Variants in ZNF423 observed in about 807,000 individuals in gnomAD.
The protein encoded by ZNF423 is zinc finger protein 423, also known as Ebf-associated zinc finger protein.
ZNF423 carries 12 observed loss-of-function variants against 95.8 expected under a neutral mutation model. The ratio of observed to expected loss-of-function variants is 0.13; its 90% CI spans 0.08 to 0.20. The LOEUF (loss-of-function observed/expected upper bound fraction) is 0.20. Among genes scored for constraint, ZNF423 ranks in the 10% least tolerant of loss-of-function variants. The pLI is 1.00. For missense variants in ZNF423, 1,316 were observed against 1,737.1 expected, an observed-to-expected ratio of 0.76 and a Z score of 4.31; for synonymous variants, 749 against 711.9, an observed-to-expected ratio of 1.05 and a Z score of -0.83.
At position 49,649,638 on chromosome 16, in the gene ZNF423, T is replaced by TACACACAC. The variant is rs58838858; in HGVS notation, c.302-10772_302-10765dup. On this transcript the variant is annotated intron_variant, in intron 3 of 7. Coordinates refer to ENST00000563137, the MANE Select transcript of ZNF423 (RefSeq NM_001379286.1). ...AAAGAAACCCTTTACTGCTTTGAAGTACACACACACACACACACACACACA... is the reference window on the plus strand; with the variant it reads ...AAAGAAACCCTTTACTGCTTTGAAGTACACACACACACACACACACACACACACACACA... Among the ~76,000 whole-genome samples the TACACACAC allele has an allele frequency of 6.3e-4, 88 of 140,408 alleles. 1 individual carries two copies. The highest frequency in any genetic ancestry group is 4.4e-3 in the East Asian group (22 of 4,950). The allele number at this position is 140,408 out of a possible 152,430, so 92.1% of individuals were successfully genotyped here.
chr16:49,663,589 G>A (rs926218652), intron 3 of ZNF423, among the ~76,000 whole-genome samples: 1 of 152,224 alleles, frequency 6.6e-6, no homozygotes. Context: ...CTCCCGGCCA[G>A]TGGTGCAGGA....
chr16:49,755,518 A>G (rs544117394), intron 2 of ZNF423, among the ~76,000 whole-genome samples: 4 of 152,262 alleles, frequency 2.6e-5, no homozygotes, highest in African/African-American at 9.6e-5. Context: ...TCTTTCGCTA[A>G]TGAAAAAAAC....
At chr16:49,628,342 T>A (rs947564725) in intron 4 of ZNF423, among the ~76,000 whole-genome samples, 2 of 148,408 alleles carry the variant, frequency 1.3e-5, no homozygotes, top group African/African-American at 5.0e-5. Context: ...CACGCATCCA[T>A]CCTCTATCTA....
chr16:49,761,166 C>A (rs1188374882), intron 2 of ZNF423, among the ~76,000 whole-genome samples: 5 of 152,152 alleles, frequency 3.3e-5, no homozygotes, highest in African/African-American at 9.7e-5. Context: ...TGACCTGGGT[C>A]TCCCCAGCAA....
chr16:49,653,717 C>T (rs1973500533), intron 3 of ZNF423, among the ~76,000 whole-genome samples: 1 of 152,228 alleles, frequency 6.6e-6, no homozygotes, highest in Non-Finnish European at 1.5e-5. Flanking sequence ...GAGGCTTGTA[C>T]TGCCACTGTG....
At chr16:49,499,472 C>T (rs77986395) in intron 7 of ZNF423, among the ~76,000 whole-genome samples, 2 of 152,166 alleles carry the variant, frequency 1.3e-5, no homozygotes, top group Non-Finnish European at 2.9e-5. Context: ...GCTTCCTTGC[C>T]GAACCAGTAG....
intron 3 of ZNF423, among the ~76,000 whole-genome samples, chr16:49,681,477 T>G (rs1414887488): frequency 6.6e-6 from 1 of 152,230 alleles, no homozygotes; most frequent in South Asian, 2.1e-4. Flanking sequence ...ACAGGCTTTA[T>G]AAAGCAAATG....
At chr16:49,817,063 A>T (rs2144000222) in intron 1 of ZNF423, among the ~76,000 whole-genome samples, 1 of 152,352 alleles carries the variant, frequency 6.6e-6, no homozygotes, top group African/African-American at 2.4e-5. Flanking sequence ...GGCTGAGATC[A>T]GACACTTGGT....
chr16:49,689,262 C>T (rs951716918), intron 3 of ZNF423, among the ~76,000 whole-genome samples: 2 of 125,106 alleles, frequency 1.6e-5, no homozygotes, highest in Non-Finnish European at 3.3e-5. Context: ...GGCAACATGG[C>T]AAGACCCCAT....
intron 3 of ZNF423, among the ~76,000 whole-genome samples, chr16:49,654,626 C>G (rs1973538824): frequency 6.6e-6 from 1 of 152,226 alleles, no homozygotes; most frequent in Non-Finnish European, 1.5e-5. Flanking sequence ...AGTAGGAGCT[C>G]CACTGATCTG....
intron 2 of ZNF423, among the ~76,000 whole-genome samples, chr16:49,756,953 C>G (rs1403549029): frequency 6.6e-6 from 1 of 152,178 alleles, no homozygotes; most frequent in Non-Finnish European, 1.5e-5. Flanking sequence ...CTTTTAAAAG[C>G]CAAAGTCCTG....
At chr16:49,818,822 A>T (rs2034895328) in intron 1 of ZNF423, among the ~76,000 whole-genome samples, 1 of 152,188 alleles carries the variant, frequency 6.6e-6, no homozygotes, top group East Asian at 1.9e-4. Flanking sequence ...AGGAGTTCAA[A>T]ACTACAATGA....
chr16:49,656,427 C>A (rs1325188454), intron 3 of ZNF423, among the ~76,000 whole-genome samples: 2 of 151,948 alleles, frequency 1.3e-5, no homozygotes, highest in Non-Finnish European at 2.9e-5. Flanking sequence ...AAGAGGATTG[C>A]TTGAACCCAG....
At chr16:49,714,474 T>C (rs1201433133) in intron 3 of ZNF423, among the ~76,000 whole-genome samples, 1 of 151,734 alleles carries the variant, frequency 6.6e-6, no homozygotes, top group African/African-American at 2.4e-5. Flanking sequence ...CTGGCCAACA[T>C]GGCAAAACCC....
chr16:49,704,355 G>A (rs1361443889), intron 3 of ZNF423, among the ~76,000 whole-genome samples: 1 of 152,150 alleles, frequency 6.6e-6, no homozygotes, highest in East Asian at 1.9e-4. Flanking sequence ...GGGTCCCTCA[G>A]TCCTACCCAC....
rs2034050466 is a variant in ZNF423, at chr16:49,772,339, G to T, written c.100+17148C>A. On this transcript the variant is annotated intron_variant, in intron 2 of 7. Transcript: ENST00000563137. ...CAGCCTGCACCGGTGAGAGCCGTCT[G>T]CTTTATTCAGTCCAGCCATCAAAAT... 2.0e-5 allele frequency among the ~76,000 whole-genome samples: 3 copies of T among 152,184 alleles called. No homozygotes were observed. In the South Asian group the frequency reaches 6.2e-4, roughly 32 times the overall value.
intron 1 of ZNF423, among the ~76,000 whole-genome samples, chr16:49,809,900 GC>G (rs975452077): frequency 1.3e-5 from 2 of 152,224 alleles, no homozygotes; most frequent in Admixed American, 6.5e-5. Context: ...GTGAGAGCTC[GC>G]CCAGCTGTCA....
chr16:49,845,281 T>A (rs182843202), intron 1 of ZNF423, among the ~76,000 whole-genome samples: 21 of 151,830 alleles, frequency 1.4e-4, no homozygotes, highest in African/African-American at 5.1e-4. Context: ...TTTTTTTTAT[T>A]TTTAGTGGAG....
intron 1 of ZNF423, among the ~76,000 whole-genome samples, chr16:49,835,458 G>A (rs533713981): frequency 2.6e-5 from 4 of 152,356 alleles, no homozygotes. Context: ...TAAAAGGGAG[G>A]AAGGCAGGAA....
Sources: gnomAD v4.1 joint callset for allele counts (sites outside exome capture counted in the v4.1 genomes callset) on GRCh38, gnomAD v4.1.1 for gene constraint, MANE v1.5 for transcripts, NCBI Gene and HGNC (gene_info 2026-07-23, HGNC 2026-07-21) for gene names.